ACOXL: variants seen among roughly 807,000 people sequenced by gnomAD.
The protein encoded by ACOXL is acyl-coenzyme A oxidase-like protein.
Under a neutral mutation model 71.9 loss-of-function variants are expected in ACOXL, and 70 were observed. The observed-to-expected ratio is 0.97, with a 90% confidence interval of 0.80 to 1.19. The LOEUF is 1.19. ACOXL is among the 50% of genes most tolerant of loss of function. The pLI is 0.00. For missense variants in ACOXL, 703 were observed against 736.3 expected (o/e 0.95, Z 0.52); for synonymous variants, 253 against 281.6 (o/e 0.90, Z 1.02).
chr2:110,781,160 T>C (rs776156644), intron 2 of ACOXL, among the ~76,000 whole-genome samples: 2 of 152,158 alleles, frequency 1.3e-5, no homozygotes, highest in Non-Finnish European at 2.9e-5. Context: ...GTTACACAGG[T>C]AGATAATTGA....
chr2:110,788,161 AG>A (rs1396268084), intron 3 of ACOXL, among the ~76,000 whole-genome samples: 1 of 152,248 alleles, frequency 6.6e-6, no homozygotes, highest in Non-Finnish European at 1.5e-5. Flanking sequence ...AATTGAAAGT[AG>A]GGACTGAAAT....
In ACOXL at chr2:110,798,357, C is replaced by A. The variant is rs893254721; in HGVS notation, c.346-253C>A. ...CTGCAAGCTCTGCCTCCCAGGTTCA[C>A]GCCATTCTCCTGCCTCAGCCTCCCG... On this transcript the variant is annotated intron_variant, in intron 5 of 17. Transcript: ENST00000439055. Among the ~76,000 whole-genome samples, 159 of 151,352 alleles carry A rather than the reference C, an allele frequency of 1.1e-3. 2 individuals are homozygous for A. The highest frequency in any genetic ancestry group is 8.3e-4 in the Non-Finnish European group (56 of 67,826).
chr2:110,965,599 G>T (rs2061889386), intron 12 of ACOXL, among the ~76,000 whole-genome samples: 3 of 152,140 alleles, frequency 2.0e-5, no homozygotes, highest in African/African-American at 2.4e-5. Context: ...TTTTCGCTGG[G>T]CACTTGACTG....
At position 110,737,432 on chromosome 2, in the gene ACOXL, C is replaced by T. The variant is rs528154228; in HGVS notation, c.-23+4658C>T. Among the ~76,000 whole-genome samples the T allele has an allele frequency of 2.0e-4, 31 of 152,308 alleles. No individual in the cohort carries two copies. In the East Asian group the frequency reaches 6.0e-3, roughly 29 times the overall value. On this transcript the variant is annotated intron_variant, in intron 1 of 17. Transcript: ENST00000439055. ...GAAAGTCAGTGTATCACCATTTTTACTTAAATCAGTATCCAGTGTTCACAT... is the reference window on the plus strand; with the variant it reads ...GAAAGTCAGTGTATCACCATTTTTATTTAAATCAGTATCCAGTGTTCACAT...
At chr2:110,828,907 G>A (rs754258728) in intron 9 of ACOXL, among the ~76,000 whole-genome samples, 2 of 152,076 alleles carry the variant, frequency 1.3e-5, no homozygotes, top group Non-Finnish European at 2.9e-5. Flanking sequence ...TGCTTTCCAG[G>A]TTCAAGTGAT....
intron 11 of ACOXL, among the ~76,000 whole-genome samples, chr2:110,925,765 A>G (rs1227825526): frequency 7.9e-5 from 12 of 151,502 alleles, no homozygotes; most frequent in Non-Finnish European, 1.8e-4. Flanking sequence ...TGCATTCACA[A>G]CTTGGCTAAC....
At chr2:110,753,085 G>C (rs979961379) in intron 1 of ACOXL, among the ~76,000 whole-genome samples, 2 of 152,120 alleles carry the variant, frequency 1.3e-5, no homozygotes, top group Admixed American at 6.5e-5. Flanking sequence ...CCTCCTGCTG[G>C]TGGTGAGTTC....
chr2:111,095,391 C>CTTTTTTTTTTTTTTTTT (rs780172456), intron 17 of ACOXL, among the ~76,000 whole-genome samples: 1 of 116,592 alleles, frequency 8.6e-6, no homozygotes. Flanking sequence ...TTTTCTTTTT[C>CTTTTTTTTTTTTTTTTT]TTTTTTTTTT....
intron 11 of ACOXL, among the ~76,000 whole-genome samples, chr2:110,926,559 T>C (rs531118021): frequency 6.6e-6 from 1 of 152,202 alleles, no homozygotes; most frequent in Admixed American, 6.5e-5. Flanking sequence ...ATCTATAACA[T>C]AGGAATAATA....
chr2:111,047,528 A>G (rs961521075), intron 15 of ACOXL, among the ~76,000 whole-genome samples: 8 of 152,210 alleles, frequency 5.3e-5, no homozygotes, highest in African/African-American at 1.7e-4. Context: ...ATGTTATCAC[A>G]CCAAATCAGA....
chr2:110,854,258 G>T (rs1692974818), intron 10 of ACOXL, among the ~76,000 whole-genome samples: 1 of 152,196 alleles, frequency 6.6e-6, no homozygotes, highest in African/African-American at 2.4e-5. Context: ...AGTGGGTAGA[G>T]GATATGATTA....
intron 1 of ACOXL, among the ~76,000 whole-genome samples, chr2:110,736,661 C>A (rs1223956621): frequency 1.3e-5 from 2 of 151,244 alleles, no homozygotes; most frequent in Non-Finnish European, 2.9e-5. Flanking sequence ...GCTCTGTGGC[C>A]CAGGCTGGAG....
At chr2:111,089,695 A>G (rs2068419837) in intron 16 of ACOXL, among the ~76,000 whole-genome samples, 1 of 152,238 alleles carries the variant, frequency 6.6e-6, no homozygotes, top group African/African-American at 2.4e-5. Flanking sequence ...GGAATGTCAA[A>G]TGTTCAAATG....
At chr2:110,778,749 T>C (rs1019538483) in intron 2 of ACOXL, among the ~76,000 whole-genome samples, 2 of 152,240 alleles carry the variant, frequency 1.3e-5, no homozygotes, top group Admixed American at 1.3e-4. Context: ...GAATGCTCAG[T>C]GGTAGTACTG....
intron 16 of ACOXL, among the ~76,000 whole-genome samples, chr2:111,054,593 T>C (rs1447311850): frequency 6.6e-6 from 1 of 152,166 alleles, no homozygotes; most frequent in East Asian, 1.9e-4. Context: ...CAGCCAAGTA[T>C]GAATGCTGCC....
At chr2:110,747,871 A>G (rs908649016) in intron 1 of ACOXL, among the ~76,000 whole-genome samples, 3 of 151,394 alleles carry the variant, frequency 2.0e-5, no homozygotes, top group African/African-American at 7.3e-5. Flanking sequence ...TTTCTACCTT[A>G]CCACCTCCTC....
Position 111,009,252 on chromosome 2 carries a change from G to A in ACOXL, c.1281+13248G>A, listed in dbSNP as rs762164667. 3.3e-5 allele frequency among the ~76,000 whole-genome samples: 5 copies of A among 152,082 alleles called. No homozygotes were observed. The East Asian group carries it at 7.7e-4, about 23-fold the overall frequency. On this transcript the variant is annotated intron_variant, in intron 14 of 17. Coordinates refer to ENST00000439055, the MANE Select transcript of ACOXL (RefSeq NM_001142807.4). ...TTTGAGGCTAGGCATGGTGGCTCAC[G>A]TCTGTAATCCCAGTACTTTGGGAGG...
At chr2:111,036,790 C>T (rs1258110954) in intron 15 of ACOXL, 1 of 152,110 alleles carries the variant, frequency 6.6e-6, no homozygotes, top group Non-Finnish European at 1.5e-5. Flanking sequence ...TGACTATACT[C>T]ACACACAAAA....
chr2:110,758,289 C>G (rs1359238990), intron 1 of ACOXL, among the ~76,000 whole-genome samples: 1 of 152,164 alleles, frequency 6.6e-6, no homozygotes, highest in East Asian at 1.9e-4. Flanking sequence ...GTTTTAGTTA[C>G]TATAGCCTTG....
Sources: gnomAD v4.1 joint callset for allele counts (sites outside exome capture counted in the v4.1 genomes callset) on GRCh38, gnomAD v4.1.1 for gene constraint, MANE v1.5 for transcripts, NCBI Gene and HGNC (gene_info 2026-07-23, HGNC 2026-07-21) for gene names.